ZC2HC1B: variants seen among roughly 807,000 people sequenced by gnomAD.
ZC2HC1B encodes the protein zinc finger C2HC-type containing 1B, also known as zinc finger C2HC domain-containing protein 1B.
Under a neutral mutation model 31.0 loss-of-function variants are expected in ZC2HC1B, and 36 were observed. The ratio of observed to expected loss-of-function variants is 1.16; its 90% CI spans 0.89 to 1.54. The LOEUF (loss-of-function observed/expected upper bound fraction) is 1.54, where lower values mean the gene tolerates loss of function less well. Ranked by LOEUF, ZC2HC1B falls within the 40% of genes most tolerant of loss-of-function variation. The pLI is 0.00. For missense variants in ZC2HC1B, 260 were observed against 268.6 expected (o/e 0.97, Z 0.22); for synonymous variants, 73 against 88.0 (o/e 0.83, Z 0.95).
At chr6:143,936,314 T>C (rs983648960) in intron 6 of ZC2HC1B, among the ~76,000 whole-genome samples, 1 of 152,212 alleles carries the variant, frequency 6.6e-6, no homozygotes, top group African/African-American at 2.4e-5. Flanking sequence ...GTCGATGTAC[T>C]ATTCATATCT....
intron 4 of ZC2HC1B, among the ~76,000 whole-genome samples, chr6:143,898,088 C>G (rs1002081256): frequency 1.3e-5 from 2 of 152,194 alleles, no homozygotes; most frequent in Non-Finnish European, 2.9e-5. Flanking sequence ...TTTAGTTGAG[C>G]CCTGCATGTC....
chr6:143,912,614 A>C (rs1777873371), intron 6 of ZC2HC1B, among the ~76,000 whole-genome samples: 1 of 152,194 alleles, frequency 6.6e-6, no homozygotes, highest in African/African-American at 2.4e-5. Flanking sequence ...ATGGCAGCCA[A>C]CTTTTTTCCT....
chr6:143,920,481 G>C (rs1278120694), intron 6 of ZC2HC1B, among the ~76,000 whole-genome samples: 3 of 152,190 alleles, frequency 2.0e-5, no homozygotes, highest in African/African-American at 7.2e-5. Flanking sequence ...ACATTATAAA[G>C]ATACCATTCT....
At chr6:143,888,707 A>C (rs776718305) in intron 4 of ZC2HC1B, among the ~76,000 whole-genome samples, 5 of 151,992 alleles carry the variant, frequency 3.3e-5, no homozygotes, top group African/African-American at 7.2e-5. Context: ...TTAGTGTATA[A>C]AAATATAATG....
In ZC2HC1B at chr6:143,869,633, G is replaced by A. The variant is rs1356300687; in HGVS notation, c.28+5066G>A. On this transcript the variant is annotated intron_variant, in intron 1 of 7. Coordinates refer to ENST00000237275, the MANE Select transcript of ZC2HC1B (RefSeq NM_001013623.3). This position sits in a 1 kb window ranked among gnomAD's most constrained non-coding sequence, Gnocchi z 5.2. ...CAGAGTGAGTGTTTATTCCAGTGAG[G>A]AGAAACCTCTGCCTTTTCCATGATG... Among the ~76,000 whole-genome samples, 1 of 152,202 alleles carries A rather than the reference G, an allele frequency of 6.6e-6. No individual in the cohort carries two copies. The highest frequency in any genetic ancestry group is 1.5e-5 in the Non-Finnish European group (1 of 68,026).
intron 6 of ZC2HC1B, among the ~76,000 whole-genome samples, chr6:143,927,676 C>G (rs1388742132): frequency 6.6e-6 from 1 of 152,126 alleles, no homozygotes; most frequent in East Asian, 1.9e-4. Flanking sequence ...ATTGCTGGAT[C>G]AAAGGGTAGT....
Position 143,922,660 on chromosome 6 carries a change from A to G in ZC2HC1B, c.599-14989A>G, listed in dbSNP as rs144372602. Among the ~76,000 whole-genome samples, 50 of 152,336 alleles carry G rather than the reference A, an allele frequency of 3.3e-4. No homozygotes were observed. Among genetic ancestry groups the G allele is most frequent in the African/African-American group, 1.2e-3 (48 of 41,586 alleles). ...ACATTGCTGCAAATGACAGGATATC[A>G]TTCTTTTTTTGTGGCTGAATAGTAT... On this transcript the variant is annotated intron_variant, in intron 6 of 7. Transcript: ENST00000237275. This position sits in a 1 kb window ranked among gnomAD's most constrained non-coding sequence, Gnocchi z 5.0.
At chr6:143,874,911 C>T (rs1195993927) in intron 1 of ZC2HC1B, among the ~76,000 whole-genome samples, 1 of 152,176 alleles carries the variant, frequency 6.6e-6, no homozygotes, top group Non-Finnish European at 1.5e-5. Flanking sequence ...CAGCTCACTG[C>T]AACCACCACC....
chr6:143,920,836 A>T (rs995019139), intron 6 of ZC2HC1B, among the ~76,000 whole-genome samples: 2 of 149,826 alleles, frequency 1.3e-5, no homozygotes, highest in African/African-American at 4.9e-5. Flanking sequence ...TGAACCCAGG[A>T]GTCGGAGGTT....
chr6:143,871,350 C>T lies in ZC2HC1B; in HGVS notation c.28+6783C>T, dbSNP rs549203935. 1.3e-5 allele frequency among the ~76,000 whole-genome samples: 2 copies of T among 152,176 alleles called. No homozygotes were observed. The highest frequency in any genetic ancestry group is 3.8e-4 in the East Asian group (2 of 5,196). On this transcript the variant is annotated intron_variant, in intron 1 of 7. Coordinates refer to ENST00000237275, the MANE Select transcript of ZC2HC1B (RefSeq NM_001013623.3). The surrounding 1 kb of genome is among the most constrained non-coding windows in gnomAD (Gnocchi z 4.1). ...GACACAAAGCCAAACAGTTAATATA[C>T]CTCTGAGGTAGAACAGTAAAGGTAT...
intron 1 of ZC2HC1B, among the ~76,000 whole-genome samples, chr6:143,881,037 C>G (rs1303197966): frequency 6.6e-6 from 1 of 152,196 alleles, no homozygotes; most frequent in East Asian, 1.9e-4. Flanking sequence ...TTCCATCACA[C>G]AGAGATCTCC....
intron 1 of ZC2HC1B, among the ~76,000 whole-genome samples, chr6:143,876,265 A>G (rs7774381): frequency 0.19 from 28,768 of 150,204 alleles, 5,326 homozygotes; most frequent in African/African-American, 0.43. Flanking sequence ...TGTCCCCTGA[A>G]CTTAGGAGCA....
At chr6:143,893,459 T>C (rs958058909) in intron 4 of ZC2HC1B, among the ~76,000 whole-genome samples, 2 of 151,934 alleles carry the variant, frequency 1.3e-5, no homozygotes, top group African/African-American at 4.8e-5. Context: ...TCCCAGCTAC[T>C]TGGGAGGCTG....
In ZC2HC1B at chr6:143,886,094, G is replaced by T; in HGVS notation, c.153G>T (p.Leu51Phe). Residue 51 changes from leucine to phenylalanine, a missense_variant, in exon 3 of 8, where the codon TTG (leucine) becomes TTT (phenylalanine). Transcript: ENST00000237275. This position sits in a 1 kb window ranked among gnomAD's most constrained non-coding sequence, Gnocchi z 4.2. Reference protein sequence around the residue: ...FNRKRKPFSSLKQRLQGTDIP... With the variant: ...FNRKRKPFSSFKQRLQGTDIP... ...GAAAGCGTAAACCTTTCAGTTCTTT[G>T]AAGCAAAGATTACAGGGCACTGACA... 6.5e-7 allele frequency: 1 copy of T among 1,549,344 alleles called. No individual in the cohort carries two copies. Among genetic ancestry groups the T allele is most frequent in the South Asian group, 1.2e-5 (1 of 83,522 alleles).
In ZC2HC1B at chr6:143,935,207, C is replaced by T. The variant is rs1251024585; in HGVS notation, c.599-2442C>T. Among the ~76,000 whole-genome samples the T allele has an allele frequency of 3.3e-4, 50 of 152,200 alleles. 1 individual carries two copies. Among genetic ancestry groups the T allele is most frequent in the Admixed American group, 3.3e-3 (50 of 15,290 alleles). ...CCAATAGGCTGAGCAGACTCACCCTCAGGCACCTGGTAGGGGTGGGTAGAA... is the reference window on the plus strand; with the variant it reads ...CCAATAGGCTGAGCAGACTCACCCTTAGGCACCTGGTAGGGGTGGGTAGAA... On this transcript the variant is annotated intron_variant, in intron 6 of 7. Coordinates refer to ENST00000237275, the MANE Select transcript of ZC2HC1B (RefSeq NM_001013623.3).
chr6:143,868,957 AAAG>A lies in ZC2HC1B; in HGVS notation c.28+4394_28+4396del, dbSNP rs1230691701. On this transcript the variant is annotated intron_variant, in intron 1 of 7. Transcript: ENST00000237275. The surrounding 1 kb of genome is among the most constrained non-coding windows in gnomAD (Gnocchi z 4.2). ...TACATGCACAAACATGTTTTTAACA[AAAG>A]AAGGAGGAAATACTAATGACAATTA... Among the ~76,000 whole-genome samples the A allele has an allele frequency of 3.9e-5, 6 of 152,322 alleles. No homozygotes were observed. Among genetic ancestry groups the A allele is most frequent in the Admixed American group, 2.6e-4 (4 of 15,288 alleles).
At chr6:143,914,482 G>A (rs1418810117) in intron 6 of ZC2HC1B, among the ~76,000 whole-genome samples, 2 of 152,068 alleles carry the variant, frequency 1.3e-5, no homozygotes, top group African/African-American at 4.8e-5. Context: ...TTAATTTGTG[G>A]CCTAACATGT....
At chr6:143,929,476 T>G (rs1472121828) in intron 6 of ZC2HC1B, among the ~76,000 whole-genome samples, 5 of 152,218 alleles carry the variant, frequency 3.3e-5, no homozygotes, top group Non-Finnish European at 5.9e-5. Context: ...TATGATTTTG[T>G]TTGCTTGTAT....
intron 6 of ZC2HC1B, among the ~76,000 whole-genome samples, chr6:143,932,674 C>T (rs1778134194): frequency 6.6e-6 from 1 of 152,152 alleles, no homozygotes; most frequent in Admixed American, 6.5e-5. Flanking sequence ...GAGATTGCTT[C>T]TTGGTTTGGA....
Sources: allele counts gnomAD v4.1 joint callset (sites outside exome capture counted in the v4.1 genomes callset), GRCh38; gene constraint gnomAD v4.1.1; non-coding constraint Gnocchi (gnomAD v3.1); transcripts MANE v1.5; gene names NCBI Gene and HGNC (gene_info 2026-07-23, HGNC 2026-07-21).